Variants in NFYC observed in about 807,000 individuals in gnomAD.
NFYC encodes CAAT box DNA-binding protein subunit C.
NFYC carries 25 observed loss-of-function variants against 53.1 expected under a neutral mutation model. That is an observed-to-expected ratio of 0.47 (90% confidence interval 0.34 to 0.66). The LOEUF is 0.66. NFYC is among the 30% of genes least tolerant of loss of function. The pLI, the probability that NFYC is intolerant of heterozygous loss-of-function variation, is 0.01. For synonymous variants in NFYC, 145 were observed against 152.6 expected (o/e 0.95, Z 0.37); for missense variants, 260 against 422.7 (o/e 0.62, Z 3.38).
chr1:40,757,189 G>T, intron 5 of NFYC: 1 of 262,014 alleles, frequency 3.8e-6, no homozygotes, highest in Non-Finnish European at 8.8e-6. Flanking sequence ...GTTGTCCCAG[G>T]CAGGGGCACC....
At chr1:40,749,737 C>T (rs2148674977) in intron 4 of NFYC, 51 bp downstream of exon 4, 1 of 1,407,322 alleles carries the variant, frequency 7.1e-7, no homozygotes, top group Non-Finnish European at 1.0e-6. Flanking sequence ...GCAGCCTTTG[C>T]CTGTTTTCCT....
At chr1:40,714,862 C>T (rs1381387533) in intron 1 of NFYC, among the ~76,000 whole-genome samples, 3 of 151,828 alleles carry the variant, frequency 2.0e-5, no homozygotes, top group African/African-American at 4.8e-5. Context: ...AGGCAGATCA[C>T]GAGGTCAGGA....
At chr1:40,766,889 G>C in intron 8 of NFYC, 186 bp downstream of exon 8, 1 of 1,551,466 alleles carries the variant, frequency 6.4e-7, no homozygotes, top group Non-Finnish European at 8.7e-7. Context: ...TAGATTCAAA[G>C]TGTTTTCTCT....
chr1:40,726,585 T>C (rs1038002861), intron 1 of NFYC, among the ~76,000 whole-genome samples: 5 of 152,154 alleles, frequency 3.3e-5, no homozygotes, highest in African/African-American at 1.2e-4. Context: ...GATTTTTGTA[T>C]TTTTTGTATA....
At chr1:40,757,270 C>T in intron 5 of NFYC, 1 of 526,994 alleles carries the variant, frequency 1.9e-6, no homozygotes, top group Non-Finnish European at 3.9e-6. Context: ...CAACCCTGGA[C>T]CCTGTGGGCT....
At chr1:40,766,514 A>G in intron 7 of NFYC, 82 bp from the exon 8 acceptor site, 1 of 1,046,698 alleles carries the variant, frequency 9.6e-7, no homozygotes, top group Non-Finnish European at 1.4e-6. Flanking sequence ...GGGGGCAATC[A>G]ACATCTCTGG....
chr1:40,750,980 A>G (rs1570635217), intron 4 of NFYC, among the ~76,000 whole-genome samples: 2 of 152,336 alleles, frequency 1.3e-5, no homozygotes, highest in East Asian at 1.9e-4. Context: ...TTGAAAAAAT[A>G]TTAGACATTT....
chr1:40,748,027 G>T (rs1325577879), intron 3 of NFYC, among the ~76,000 whole-genome samples: 1 of 151,970 alleles, frequency 6.6e-6, no homozygotes, highest in African/African-American at 2.4e-5. Flanking sequence ...GTAGAGACAG[G>T]GTTTCACCAT....
intron 8 of NFYC, chr1:40,769,120 G>A: frequency 4.0e-6 from 2 of 495,966 alleles, no homozygotes; most frequent in East Asian, 3.7e-5. Context: ...AGATGGGTGT[G>A]GGAACTATCT....
intron 1 of NFYC, among the ~76,000 whole-genome samples, chr1:40,702,311 C>T (rs1354502104): frequency 6.8e-6 from 1 of 146,804 alleles, no homozygotes; most frequent in Non-Finnish European, 1.5e-5. Context: ...CAGAATGTTT[C>T]TGGGCCTTTT....
intron 1 of NFYC, among the ~76,000 whole-genome samples, chr1:40,716,780 G>A (rs573634158): frequency 6.6e-6 from 1 of 152,270 alleles, no homozygotes; most frequent in South Asian, 2.1e-4. Context: ...ATGAGGGTCT[G>A]AACAGAGATA....
intron 1 of NFYC, among the ~76,000 whole-genome samples, chr1:40,705,372 G>A (rs1643645897): frequency 6.9e-6 from 1 of 145,028 alleles, no homozygotes; most frequent in South Asian, 2.3e-4. Flanking sequence ...AGAAGCTCCA[G>A]TACAGATAAG....
chr1:40,756,325 T>C (rs1646218177), intron 5 of NFYC, among the ~76,000 whole-genome samples: 1 of 152,218 alleles, frequency 6.6e-6, no homozygotes, highest in African/African-American at 2.4e-5. Context: ...TAGATGAAAA[T>C]AAAAGGGAAT....
At chr1:40,710,911 A>G (rs935935475) in intron 1 of NFYC, among the ~76,000 whole-genome samples, 2 of 152,220 alleles carry the variant, frequency 1.3e-5, no homozygotes, top group Non-Finnish European at 2.9e-5. Flanking sequence ...TTGGACTGAA[A>G]AGCTCTATTT....
At chr1:40,768,327 G>A (rs1040052024) in intron 8 of NFYC, among the ~76,000 whole-genome samples, 1 of 152,168 alleles carries the variant, frequency 6.6e-6, no homozygotes, top group Admixed American at 6.5e-5. Flanking sequence ...ACTTTGTATG[G>A]GCTCCTGCCC....
intron 1 of NFYC, among the ~76,000 whole-genome samples, chr1:40,698,816 TG>T (rs1423869167): frequency 1.3e-5 from 2 of 152,186 alleles, no homozygotes; most frequent in Non-Finnish European, 2.9e-5. Context: ...AATACATTCA[TG>T]AGTATGAACC....
rs192296584 is a variant in NFYC, at chr1:40,760,487, G to A, written c.561+2193G>A. ...TGTAATCCCAGTACTTTGGGAGGCC[G>A]AGGTGGGCGGATCACAAAGCCAGGA... On this transcript the variant is annotated intron_variant, in intron 6 of 9. Transcript: ENST00000447388. Among the ~76,000 whole-genome samples, 28 of 152,202 alleles carry A rather than the reference G, an allele frequency of 1.8e-4. 1 individual carries two copies. The East Asian group carries it at 5.1e-3, about 27-fold the overall frequency.
intron 1 of NFYC, among the ~76,000 whole-genome samples, chr1:40,715,713 A>AT (rs1159570001): frequency 5.3e-5 from 8 of 152,142 alleles, no homozygotes; most frequent in African/African-American, 1.9e-4. Flanking sequence ...TACTTATAGT[A>AT]TTTTTTCTAA....
chr1:40,762,870 C>A lies in NFYC; in HGVS notation c.562-18C>A. 1 of 1,562,684 alleles carries A rather than the reference C, an allele frequency of 6.4e-7. No individual in the cohort carries two copies. The highest frequency in any genetic ancestry group is 1.2e-5 in the South Asian group (1 of 84,958). ...TGAGCCTGAACTCACGCAGCATTCT[C>A]ATAACTCTTCCTTTCAGACCACACC... On this transcript the variant is annotated intron_variant, in intron 6 of 9. Coordinates refer to ENST00000447388, the MANE Select transcript of NFYC (RefSeq NM_014223.5).
Sources: allele counts gnomAD v4.1 joint callset (sites outside exome capture counted in the v4.1 genomes callset), GRCh38; gene constraint gnomAD v4.1.1; transcripts MANE v1.5; gene names NCBI Gene and HGNC (gene_info 2026-07-23, HGNC 2026-07-21).